Variants in PRIM2 observed in about 807,000 individuals in gnomAD.
The protein encoded by PRIM2 is DNA primase large subunit.
PRIM2 carries 39 observed loss-of-function variants against 67.3 expected under a neutral mutation model. The observed-to-expected ratio is 0.58, with a 90% CI of 0.45 to 0.76. PRIM2 has a LOEUF of 0.76. Ranked by LOEUF, PRIM2 falls within the 30% of genes least tolerant of loss-of-function variation. The pLI, the probability that PRIM2 is intolerant of heterozygous loss-of-function variation, is 0.00. For missense variants in PRIM2, 398 were observed against 598.7 expected (o/e 0.66, Z 3.50); for synonymous variants, 143 against 198.7 (o/e 0.72, Z 2.36).
At chr6:57,301,100 T>G in the PRIM2 span, among the ~76,000 whole-genome samples, 1 of 152,204 alleles carries the variant, frequency 6.6e-6, no homozygotes, top group Admixed American at 6.5e-5. Flanking sequence ...CTTCTTTTAT[T>G]ATCCTTCCTA....
chr6:57,621,303 T>A (rs1416683028), intron 12 of PRIM2, among the ~76,000 whole-genome samples: 17 of 152,278 alleles, frequency 1.1e-4, no homozygotes, highest in African/African-American at 4.1e-4. Context: ...GCTGCTTTTT[T>A]TCTTTATAAG....
chr6:57,511,041 T>A (rs1774356155), intron 8 of PRIM2, among the ~76,000 whole-genome samples: 2 of 152,168 alleles, frequency 1.3e-5, no homozygotes, highest in Non-Finnish European at 2.9e-5. Context: ...AGTAGCATTT[T>A]AATTAAATTT....
At chr6:57,342,798 G>A (rs1490196810) in intron 5 of PRIM2, among the ~76,000 whole-genome samples, 1 of 152,220 alleles carries the variant, frequency 6.6e-6, no homozygotes, top group Non-Finnish European at 1.5e-5. Context: ...GGCAAGTGAA[G>A]TTGGTAACCT....
intron 10 of PRIM2, among the ~76,000 whole-genome samples, chr6:57,548,863 C>G (rs1168669272): frequency 1.3e-5 from 2 of 151,754 alleles, no homozygotes; most frequent in African/African-American, 2.4e-5. Context: ...GTATTTAGGG[C>G]TTAAAGAAAG....
chr6:57,366,556 A>G (rs2397240), intron 5 of PRIM2, among the ~76,000 whole-genome samples: 14 of 152,146 alleles, frequency 9.2e-5, no homozygotes, highest in East Asian at 5.8e-4. Context: ...GAGGATGCTG[A>G]CGACTGTGAA....
At chr6:57,566,961 T>C (rs1775755138) in intron 10 of PRIM2, among the ~76,000 whole-genome samples, 1 of 152,114 alleles carries the variant, frequency 6.6e-6, no homozygotes, top group Non-Finnish European at 1.5e-5. Context: ...AGGATCCTAA[T>C]AGTATCTGTC....
intron 5 of PRIM2, among the ~76,000 whole-genome samples, chr6:57,346,366 G>T (rs746312148): frequency 6.6e-6 from 1 of 152,028 alleles, no homozygotes; most frequent in Non-Finnish European, 1.5e-5. Context: ...GCCCAGGCTG[G>T]AGTCCAATGG....
the PRIM2 span, among the ~76,000 whole-genome samples, chr6:57,294,697 T>C: frequency 6.6e-6 from 1 of 151,986 alleles, no homozygotes; most frequent in Non-Finnish European, 1.5e-5. Context: ...CACATATAAA[T>C]ATACTTTAAG....
At chr6:57,289,271 A>T in the PRIM2 span, among the ~76,000 whole-genome samples, 3 of 152,318 alleles carry the variant, frequency 2.0e-5, no homozygotes, top group Non-Finnish European at 4.4e-5. Context: ...AGTGAAGAGA[A>T]AAGAACAAAG....
chr6:57,267,455 G>T, the PRIM2 span, among the ~76,000 whole-genome samples: 1 of 152,042 alleles, frequency 6.6e-6, no homozygotes, highest in African/African-American at 2.4e-5. Flanking sequence ...CTCTTTGAGA[G>T]GCTGCATAAA....
At chr6:57,445,466 TTCTG>T (rs1452714203) in intron 7 of PRIM2, among the ~76,000 whole-genome samples, 2 of 152,318 alleles carry the variant, frequency 1.3e-5, no homozygotes, top group Admixed American at 1.3e-4. Flanking sequence ...AAAAATAATT[TTCTG>T]TATGTAGACC....
rs1215573317 is a variant in PRIM2, at chr6:57,562,456, C to G, written c.1020+24831C>G. Reference sequence around the variant, plus strand: ...AACACCTTAGTTCTTTATATTTACACTCAGGTGATCTCATCCTTTTTTATG... The same window carrying G: ...AACACCTTAGTTCTTTATATTTACAGTCAGGTGATCTCATCCTTTTTTATG... On this transcript the variant is annotated intron_variant, in intron 10 of 13. Transcript: ENST00000615550. Among the ~76,000 whole-genome samples the G allele has an allele frequency of 3.2e-4, 48 of 152,288 alleles. No homozygotes were observed. The East Asian group carries it at 9.1e-3, about 29-fold the overall frequency.
intron 7 of PRIM2, among the ~76,000 whole-genome samples, chr6:57,496,659 A>T (rs1282032343): frequency 7.9e-5 from 12 of 152,210 alleles, no homozygotes; most frequent in African/African-American, 2.9e-4. Flanking sequence ...AAATTGACAA[A>T]CGTATGTTTA....
intron 12 of PRIM2, among the ~76,000 whole-genome samples, chr6:57,617,913 TG>T (rs2127496155): frequency 6.6e-6 from 1 of 152,354 alleles, no homozygotes; most frequent in African/African-American, 2.4e-5. Flanking sequence ...AGTTAATTTT[TG>T]TAGATGGTAT....
intron 12 of PRIM2, among the ~76,000 whole-genome samples, chr6:57,627,240 G>T (rs1204292519): frequency 9.1e-6 from 1 of 109,646 alleles, no homozygotes; most frequent in Non-Finnish European, 1.7e-5. Flanking sequence ...AGATTGCGCC[G>T]CTGCCCTCCA....
intron 8 of PRIM2, among the ~76,000 whole-genome samples, chr6:57,518,389 A>G (rs1164498641): frequency 1.3e-5 from 2 of 152,210 alleles, no homozygotes; most frequent in Non-Finnish European, 2.9e-5. Context: ...TCTTCTCAGC[A>G]ACATCACTAG....
At chr6:57,609,690 C>G (rs1383079686) in intron 12 of PRIM2, among the ~76,000 whole-genome samples, 1 of 152,134 alleles carries the variant, frequency 6.6e-6, no homozygotes, top group African/African-American at 2.4e-5. Flanking sequence ...TCACATTACC[C>G]TTTAGACCTG....
At chr6:57,444,018 GA>G (rs1271519657) in intron 7 of PRIM2, among the ~76,000 whole-genome samples, 2 of 152,156 alleles carry the variant, frequency 1.3e-5, no homozygotes, top group Admixed American at 1.3e-4. Context: ...TTGTTGAATA[GA>G]CCGTCCTTTT....
chr6:57,347,287 A>C (rs1351641241), intron 5 of PRIM2, among the ~76,000 whole-genome samples: 1 of 152,178 alleles, frequency 6.6e-6, no homozygotes, highest in Non-Finnish European at 1.5e-5. Context: ...TAAAGGAGGA[A>C]TATTTATTGA....
Sources: allele counts gnomAD v4.1 joint callset (sites outside exome capture counted in the v4.1 genomes callset), GRCh38; gene constraint gnomAD v4.1.1; transcripts MANE v1.5; gene names NCBI Gene and HGNC (gene_info 2026-07-23, HGNC 2026-07-21).